The following SCG5 variants were observed in gnomAD, a reference collection of about 807,000 sequenced individuals.
The protein encoded by SCG5 is secretogranin V.
A neutral mutation model predicts 25.7 loss-of-function variants in SCG5; 18 were observed. The ratio of observed to expected loss-of-function variants is 0.70; its 90% CI spans 0.48 to 1.04. SCG5 has a LOEUF of 1.04. Among genes scored for constraint, SCG5 ranks in the 50% least tolerant of loss-of-function variants. SCG5 has a pLI of 0.00. For missense variants in SCG5, 206 were observed against 259.8 expected (o/e 0.79, Z 1.42); for synonymous variants, 101 against 91.7 (o/e 1.10, Z -0.58).
chr15:32,691,648 A>G, intron 4 of SCG5, 62 bp from the exon 5 acceptor site: 1 of 1,317,688 alleles, frequency 7.6e-7, no homozygotes, highest in South Asian at 1.3e-5. Context: ...CTTTTAAAAT[A>G]GACATTCACC....
At position 32,668,373 on chromosome 15, in the gene SCG5, G is replaced by A. The variant is rs1262873536; in HGVS notation, c.227-11393G>A. Reference sequence around the variant, plus strand: ...ATTTGTAAGGCCAAGTGAGAATCACGTTCCTTGTCGTGGCCCAAAAGGCCT... The same window carrying A: ...ATTTGTAAGGCCAAGTGAGAATCACATTCCTTGTCGTGGCCCAAAAGGCCT... On this transcript the variant is annotated intron_variant, in intron 2 of 5. Coordinates refer to ENST00000300175, the MANE Select transcript of SCG5 (RefSeq NM_001144757.3). Among the ~76,000 whole-genome samples the A allele has an allele frequency of 4.6e-5, 7 of 152,226 alleles. No homozygotes were observed. The East Asian group carries it at 9.6e-4, about 21-fold the overall frequency.
chr15:32,679,627 G>T, intron 2 of SCG5, 139 bp from the exon 3 acceptor site: 1 of 897,120 alleles, frequency 1.1e-6, no homozygotes, highest in Non-Finnish European at 1.7e-6. Flanking sequence ...TAAACCCCTA[G>T]AGGGCAAGAA....
intron 5 of SCG5, among the ~76,000 whole-genome samples, chr15:32,695,077 G>A (rs907879790): frequency 4.7e-5 from 7 of 150,442 alleles, no homozygotes; most frequent in Non-Finnish European, 8.8e-5. Flanking sequence ...CTGCAGTGGC[G>A]CAATCTCGGC....
At chr15:32,676,719 A>G (rs1704739969) in intron 2 of SCG5, among the ~76,000 whole-genome samples, 2 of 152,256 alleles carry the variant, frequency 1.3e-5, no homozygotes, top group Non-Finnish European at 1.5e-5. Flanking sequence ...TCAAAGATTT[A>G]CCAATTAAAC....
chr15:32,685,007 G>A (rs980967265), intron 4 of SCG5, among the ~76,000 whole-genome samples: 6 of 152,186 alleles, frequency 3.9e-5, no homozygotes, highest in African/African-American at 2.4e-5. Context: ...CAAAGGATAT[G>A]ATTTTTTTTA....
At chr15:32,682,142 C>T (rs1035539686) in intron 3 of SCG5, among the ~76,000 whole-genome samples, 1 of 152,126 alleles carries the variant, frequency 6.6e-6, no homozygotes, top group Non-Finnish European at 1.5e-5. Context: ...GATTCCAGGA[C>T]CACCAGCAGC....
chr15:32,676,055 AT>A (rs937069358), intron 2 of SCG5, among the ~76,000 whole-genome samples: 6 of 152,200 alleles, frequency 3.9e-5, no homozygotes, highest in African/African-American at 1.4e-4. Flanking sequence ...AGATAACTGC[AT>A]TTGGCCCTTT....
intron 2 of SCG5, among the ~76,000 whole-genome samples, chr15:32,654,443 T>TA (rs1484353138): frequency 6.6e-6 from 1 of 152,206 alleles, no homozygotes; most frequent in East Asian, 1.9e-4. Context: ...ATAGCCCAGC[T>TA]AGTATTTGTG....
At chr15:32,680,626 C>T (rs921781567) in intron 3 of SCG5, among the ~76,000 whole-genome samples, 2 of 152,088 alleles carry the variant, frequency 1.3e-5, no homozygotes, top group Non-Finnish European at 1.5e-5. Flanking sequence ...TTGTTCTCCT[C>T]GTTGATCATG....
intron 2 of SCG5, among the ~76,000 whole-genome samples, chr15:32,664,211 G>C (rs760718711): frequency 7.9e-5 from 12 of 152,142 alleles, no homozygotes; most frequent in Admixed American, 3.9e-4. Context: ...ATGAGGCCCT[G>C]AGAGGTAAAG....
intron 2 of SCG5, among the ~76,000 whole-genome samples, chr15:32,645,002 C>T (rs2053920367): frequency 6.6e-6 from 1 of 152,224 alleles, no homozygotes; most frequent in Admixed American, 6.5e-5. Flanking sequence ...TTTAGGTTGA[C>T]ATTTGATTTC....
chr15:32,660,380 C>G (rs972174936), intron 2 of SCG5, among the ~76,000 whole-genome samples: 10 of 152,224 alleles, frequency 6.6e-5, no homozygotes, highest in Non-Finnish European at 1.5e-4. Flanking sequence ...CTCAATGTGT[C>G]CATGCTCCAG....
Position 32,679,751 on chromosome 15 carries a change from C to T in SCG5, c.227-15C>T, listed in dbSNP as rs150074976. The T allele has an allele frequency of 7.0e-5, 113 of 1,613,722 alleles. No homozygotes were observed. The Middle Eastern group carries it at 1.5e-3, about 21-fold the overall frequency. ...TGAATTGCACTGCAATGAACTACTTCTGATTCCCTCGCAGGTGGAGCTCAT... is the reference window on the plus strand; with the variant it reads ...TGAATTGCACTGCAATGAACTACTTTTGATTCCCTCGCAGGTGGAGCTCAT... On this transcript the variant is annotated splice_polypyrimidine_tract_variant and intron_variant, in intron 2 of 5. Transcript: ENST00000300175.
chr15:32,679,624 C>A, intron 2 of SCG5, 142 bp from the exon 3 acceptor site: 1 of 877,468 alleles, frequency 1.1e-6, no homozygotes, highest in Non-Finnish European at 1.8e-6. Context: ...TTCTAAACCC[C>A]TAGAGGGCAA....
chr15:32,671,309 G>A (rs559809595), intron 2 of SCG5, among the ~76,000 whole-genome samples: 1 of 152,308 alleles, frequency 6.6e-6, no homozygotes, highest in African/African-American at 2.4e-5. Flanking sequence ...AGGCCAAAAG[G>A]TCTTATAAAT....
chr15:32,645,434 C>G (rs1000906764), intron 2 of SCG5, among the ~76,000 whole-genome samples: 1 of 152,162 alleles, frequency 6.6e-6, no homozygotes, highest in Non-Finnish European at 1.5e-5. Context: ...CAGCTCTGCC[C>G]TAAAGATTCA....
intron 2 of SCG5, among the ~76,000 whole-genome samples, chr15:32,656,912 TGG>T (rs572879671): frequency 6.5e-4 from 98 of 151,476 alleles, no homozygotes; most frequent in African/African-American, 2.3e-3. Flanking sequence ...CGGTGGAGGC[TGG>T]GGGGGACTTG....
chr15:32,648,160 C>A (rs1486075271), intron 2 of SCG5, among the ~76,000 whole-genome samples: 1 of 152,160 alleles, frequency 6.6e-6, no homozygotes, highest in Non-Finnish European at 1.5e-5. Context: ...GCCATATATG[C>A]AAACTAAATA....
chr15:32,643,327 C>G (rs1323814006), intron 1 of SCG5, among the ~76,000 whole-genome samples: 1 of 152,104 alleles, frequency 6.6e-6, no homozygotes, highest in Non-Finnish European at 1.5e-5. Context: ...GAGTGAGAAC[C>G]GCCATTCCAG....
Sources: allele counts gnomAD v4.1 joint callset (sites outside exome capture counted in the v4.1 genomes callset), GRCh38; gene constraint gnomAD v4.1.1; transcripts MANE v1.5; gene names NCBI Gene and HGNC (gene_info 2026-07-23, HGNC 2026-07-21).